SEMA6D: variants seen among roughly 807,000 people sequenced by gnomAD.
The protein encoded by SEMA6D is semaphorin 6D.
Under a neutral mutation model 106.6 loss-of-function variants are expected in SEMA6D, and 35 were observed. That is an observed-to-expected ratio of 0.33 (90% confidence interval 0.25 to 0.44). SEMA6D has a LOEUF of 0.44. Ranked by LOEUF, SEMA6D falls within the 20% of genes least tolerant of loss-of-function variation. The pLI, the probability that SEMA6D is intolerant of heterozygous loss-of-function variation, is 1.00. For missense variants in SEMA6D, 1,185 were observed against 1,345.9 expected, an observed-to-expected ratio of 0.88 and a Z score of 1.87; for synonymous variants, 499 against 487.7, an observed-to-expected ratio of 1.02 and a Z score of -0.31.
At chr15:47,635,505 G>A (rs1333344457) in intron 4 of SEMA6D, among the ~76,000 whole-genome samples, 1 of 152,162 alleles carries the variant, frequency 6.6e-6, no homozygotes, top group Non-Finnish European at 1.5e-5. Context: ...GTCTTAAGAT[G>A]CCAAAACATT....
chr15:47,599,449 C>CTT (rs34592398), intron 3 of SEMA6D, among the ~76,000 whole-genome samples: 93 of 146,652 alleles, frequency 6.3e-4, no homozygotes, highest in Admixed American at 1.2e-3. Context: ...CTGCCTTACG[C>CTT]TTTTTTTTTT....
At chr15:47,405,189 A>T (rs1483915377) in intron 1 of SEMA6D, among the ~76,000 whole-genome samples, 2 of 152,162 alleles carry the variant, frequency 1.3e-5, no homozygotes, top group African/African-American at 4.8e-5. Context: ...AGGAGCAGAC[A>T]TCTAGTCTCC....
intron 3 of SEMA6D, among the ~76,000 whole-genome samples, chr15:47,576,543 T>G (rs1305148640): frequency 6.6e-6 from 1 of 152,140 alleles, no homozygotes; most frequent in East Asian, 1.9e-4. Flanking sequence ...GCCTAACCCA[T>G]TAGAGGCAGC....
rs1264121614 is a variant in SEMA6D at position 47,511,836 on chromosome 15, TCAGGCCACA to T, written c.-87+41294_-87+41302del. 5.9e-5 allele frequency among the ~76,000 whole-genome samples: 9 copies of T among 152,204 alleles called. No homozygotes were observed. The South Asian group carries it at 1.5e-3, about 25-fold the overall frequency. ...AAGCAAGAAGGGCTTTTGGCACCCC[TCAGGCCACA>T]CATGTGCTGTGTGAGCCATTGCAGT... On this transcript the variant is annotated intron_variant, in intron 3 of 19. Transcript: ENST00000558014.
chr15:47,762,418 T>C, intron 8 of SEMA6D, 99 bp downstream of exon 8: 6 of 1,363,862 alleles, frequency 4.4e-6, no homozygotes, highest in Non-Finnish European at 6.1e-6. Context: ...CATGACTTTA[T>C]ATTGTTTATT....
At chr15:47,355,559 G>A (rs940483372) in intron 1 of SEMA6D, among the ~76,000 whole-genome samples, 29 of 152,268 alleles carry the variant, frequency 1.9e-4, no homozygotes, top group African/African-American at 6.3e-4. Flanking sequence ...TTTTACCATC[G>A]TAGTCTTTCT....
At chr15:47,647,619 A>G (rs1240967421) in intron 4 of SEMA6D, among the ~76,000 whole-genome samples, 1 of 152,178 alleles carries the variant, frequency 6.6e-6, no homozygotes, top group Non-Finnish European at 1.5e-5. Context: ...GGTTAATTGC[A>G]GATGAAACTA....
chr15:47,619,608 C>A (rs1354170447), intron 4 of SEMA6D, among the ~76,000 whole-genome samples: 3 of 152,142 alleles, frequency 2.0e-5, no homozygotes, highest in Non-Finnish European at 4.4e-5. Flanking sequence ...GAAATTCAGG[C>A]CCACTAGACC....
intron 4 of SEMA6D, among the ~76,000 whole-genome samples, chr15:47,655,618 T>C (rs911845202): frequency 6.6e-6 from 1 of 152,224 alleles, no homozygotes; most frequent in African/African-American, 2.4e-5. Flanking sequence ...TATTAGTATT[T>C]AGAAAACATG....
At chr15:47,648,381 G>A (rs927986398) in intron 4 of SEMA6D, among the ~76,000 whole-genome samples, 14 of 152,136 alleles carry the variant, frequency 9.2e-5, no homozygotes, top group African/African-American at 2.4e-4. Context: ...CCCTGAGATG[G>A]GATGGCATCC....
chr15:47,399,018 T>G lies in SEMA6D; in HGVS notation c.-238-13375T>G, dbSNP rs544756834. Among the ~76,000 whole-genome samples, 8 of 152,326 alleles carry G rather than the reference T, an allele frequency of 5.3e-5. No individual in the cohort carries two copies. In the South Asian group the frequency reaches 1.7e-3, roughly 32 times the overall value. On this transcript the variant is annotated intron_variant, in intron 1 of 19. Transcript: ENST00000558014. Reference sequence around the variant, plus strand: ...ATTTGAAGATGTTTTAATCAAGATTTATGAGCCACCACCTTGCCCAGCACT... The same window carrying G: ...ATTTGAAGATGTTTTAATCAAGATTGATGAGCCACCACCTTGCCCAGCACT...
intron 2 of SEMA6D, among the ~76,000 whole-genome samples, chr15:47,431,961 G>T (rs144713140): frequency 5.3e-5 from 8 of 152,184 alleles, no homozygotes; most frequent in African/African-American, 1.9e-4. Context: ...TGTGATAGAT[G>T]TATCAATGGT....
At chr15:47,509,229 TTG>T (rs908845851) in intron 3 of SEMA6D, among the ~76,000 whole-genome samples, 1 of 151,880 alleles carries the variant, frequency 6.6e-6, no homozygotes, top group African/African-American at 2.4e-5. Context: ...ACCTGTGTGT[TTG>T]TGTGTGTGTG....
At chr15:47,485,471 A>T (rs939919808) in intron 3 of SEMA6D, among the ~76,000 whole-genome samples, 2 of 152,170 alleles carry the variant, frequency 1.3e-5, no homozygotes. Flanking sequence ...GCACATAATA[A>T]AATATTTTGC....
intron 2 of SEMA6D, among the ~76,000 whole-genome samples, chr15:47,443,701 A>C (rs1286326798): frequency 1.3e-5 from 2 of 152,170 alleles, no homozygotes; most frequent in Non-Finnish European, 2.9e-5. Flanking sequence ...AATGCACTAG[A>C]AAATATCAAA....
At chr15:47,498,372 C>G (rs1365912055) in intron 3 of SEMA6D, among the ~76,000 whole-genome samples, 1 of 152,050 alleles carries the variant, frequency 6.6e-6, no homozygotes, top group African/African-American at 2.4e-5. Context: ...GTTTTGGTAC[C>G]TCTTATCCCC....
chr15:47,523,490 G>A (rs2044654202), intron 3 of SEMA6D, among the ~76,000 whole-genome samples: 1 of 152,016 alleles, frequency 6.6e-6, no homozygotes, highest in Admixed American at 6.5e-5. Context: ...AAAAGGGCAG[G>A]TGCAAGGACA....
At chr15:47,392,479 G>A (rs1006375793) in intron 1 of SEMA6D, among the ~76,000 whole-genome samples, 1 of 149,300 alleles carries the variant, frequency 6.7e-6, no homozygotes, top group Non-Finnish European at 1.5e-5. Context: ...AGGGACAGAT[G>A]TGAGTATGCT....
At position 47,339,487 on chromosome 15, in the gene SEMA6D, C is replaced by T. The variant is rs368518683; in HGVS notation, c.-238-72906C>T. Among the ~76,000 whole-genome samples, 14 of 152,250 alleles carry T rather than the reference C, an allele frequency of 9.2e-5. 1 individual carries two copies. Among genetic ancestry groups the T allele is most frequent in the Admixed American group, 5.2e-4 (8 of 15,284 alleles). On this transcript the variant is annotated intron_variant, in intron 1 of 19. Coordinates refer to the SEMA6D transcript ENST00000558014. Reference sequence around the variant, plus strand: ...AGCAGTATTCTTCTGTGTTGATGATCGTTGTTGTGGTGTGAGAGCAGAGAA... The same window carrying T: ...AGCAGTATTCTTCTGTGTTGATGATTGTTGTTGTGGTGTGAGAGCAGAGAA...
Sources: gnomAD v4.1 joint callset for allele counts (sites outside exome capture counted in the v4.1 genomes callset) on GRCh38, gnomAD v4.1.1 for gene constraint, MANE v1.5 for transcripts, NCBI Gene and HGNC (gene_info 2026-07-23, HGNC 2026-07-21) for gene names.